The following ADK variants were observed in gnomAD, a reference collection of about 807,000 sequenced individuals.
ADK encodes the protein adenosine kinase.
Under a neutral mutation model 44.7 loss-of-function variants are expected in ADK, and 24 were observed. That is an observed-to-expected ratio of 0.54 (90% CI 0.39 to 0.76). The LOEUF (loss-of-function observed/expected upper bound fraction) is 0.76, where lower values mean the gene tolerates loss of function less well. Ranked by LOEUF, ADK falls within the 30% of genes least tolerant of loss-of-function variation. The pLI, the probability that ADK is intolerant of heterozygous loss-of-function variation, is 0.00. For missense variants in ADK, 321 were observed against 425.1 expected, an observed-to-expected ratio of 0.76 and a Z score of 2.15; for synonymous variants, 128 against 142.6, an observed-to-expected ratio of 0.90 and a Z score of 0.73.
At chr10:74,440,366 G>A (rs1460358970) in intron 6 of ADK, among the ~76,000 whole-genome samples, 2 of 152,036 alleles carry the variant, frequency 1.3e-5, no homozygotes, top group African/African-American at 4.8e-5. Context: ...GATTTGGGCT[G>A]GAACTCAGGT....
intron 1 of ADK, chr10:74,176,916 C>T (rs747897765): frequency 1.5e-5 from 24 of 1,609,118 alleles, no homozygotes; most frequent in South Asian, 9.9e-5. Flanking sequence ...CTTGACTGCT[C>T]CGAGCTGGGC....
intron 8 of ADK, among the ~76,000 whole-genome samples, chr10:74,591,854 C>G (rs1362717654): frequency 6.6e-6 from 1 of 152,078 alleles, no homozygotes; most frequent in Non-Finnish European, 1.5e-5. Flanking sequence ...TCATTTTCTC[C>G]TATAAATCCC....
chr10:74,524,590 G>A (rs1254463560), intron 6 of ADK, among the ~76,000 whole-genome samples: 1 of 152,052 alleles, frequency 6.6e-6, no homozygotes, highest in Non-Finnish European at 1.5e-5. Flanking sequence ...ACAGAGTTCC[G>A]CCATGTTGCC....
intron 1 of ADK, among the ~76,000 whole-genome samples, chr10:74,153,611 C>G (rs946218512): frequency 3.9e-5 from 6 of 152,130 alleles, no homozygotes; most frequent in Admixed American, 2.0e-4. Flanking sequence ...ACTATGTGCT[C>G]TATATATGTT....
chr10:74,279,212 G>A (rs562059276), intron 3 of ADK, among the ~76,000 whole-genome samples: 4 of 152,070 alleles, frequency 2.6e-5, no homozygotes, highest in African/African-American at 4.8e-5. Flanking sequence ...TCTGGGAGGC[G>A]GAGGTTGCAG....
chr10:74,180,999 C>T (rs2132082391), intron 1 of ADK, among the ~76,000 whole-genome samples: 1 of 152,268 alleles, frequency 6.6e-6, no homozygotes, highest in South Asian at 2.1e-4. Flanking sequence ...GCACTTTGAG[C>T]CCTCTAGAGA....
intron 3 of ADK, among the ~76,000 whole-genome samples, chr10:74,239,792 G>A (rs1263868737): frequency 1.3e-5 from 2 of 150,258 alleles, no homozygotes; most frequent in Non-Finnish European, 3.0e-5. Context: ...AAAATAGGCT[G>A]TCATGTTCTA....
chr10:74,370,230 CTTAAA>C (rs1564681077), intron 4 of ADK, among the ~76,000 whole-genome samples: 1 of 152,092 alleles, frequency 6.6e-6, no homozygotes. Flanking sequence ...AATTGTACAC[CTTAAA>C]TATGTACAGT....
At chr10:74,251,381 A>G (rs1455007410) in intron 3 of ADK, among the ~76,000 whole-genome samples, 2 of 152,220 alleles carry the variant, frequency 1.3e-5, no homozygotes, top group Non-Finnish European at 2.9e-5. Context: ...GGTAGAATCA[A>G]TAATTTTTCT....
At position 74,494,187 on chromosome 10, in the gene ADK, T is replaced by G. The variant is rs554721919; in HGVS notation, c.556-31069T>G. Among the ~76,000 whole-genome samples, 329 of 152,332 alleles carry G rather than the reference T, an allele frequency of 2.2e-3. 2 individuals carry two copies. Among genetic ancestry groups the G allele is most frequent in the African/African-American group, 7.5e-3 (312 of 41,580 alleles). On this transcript the variant is annotated intron_variant, in intron 6 of 10. Coordinates refer to ENST00000539909, the MANE Select transcript of ADK (RefSeq NM_006721.4). ...TGTGGAAAAGAGCAATACCCTGCCC[T>G]GTACTTTGACAGCCCTTTTAGCTAT...
chr10:74,618,871 G>A (rs1460121854), intron 9 of ADK, among the ~76,000 whole-genome samples: 1 of 151,986 alleles, frequency 6.6e-6, no homozygotes, highest in Non-Finnish European at 1.5e-5. Flanking sequence ...AGTGCTTCTT[G>A]AATCTGTGAT....
At chr10:74,670,046 C>G in intron 9 of ADK, 137 bp from the exon 10 acceptor site, 2 of 741,286 alleles carry the variant, frequency 2.7e-6, no homozygotes, top group South Asian at 3.1e-5. Flanking sequence ...CCCAAGTGCC[C>G]CTGTACAGAA....
chr10:74,282,444 T>C (rs1000501593), intron 3 of ADK, among the ~76,000 whole-genome samples: 2 of 152,214 alleles, frequency 1.3e-5, no homozygotes, highest in South Asian at 4.1e-4. Flanking sequence ...GAAGTACTTA[T>C]GAAAAGACAC....
chr10:74,256,821 TA>T (rs1363985922), intron 3 of ADK, among the ~76,000 whole-genome samples: 1 of 152,232 alleles, frequency 6.6e-6, no homozygotes, highest in African/African-American at 2.4e-5. Context: ...AACGTGTTTT[TA>T]TTGATGCAAC....
At chr10:74,643,589 T>C (rs1452206165) in intron 9 of ADK, among the ~76,000 whole-genome samples, 4 of 152,244 alleles carry the variant, frequency 2.6e-5, no homozygotes, top group African/African-American at 9.6e-5. Context: ...TTTGTTAAGT[T>C]CAATATCTGG....
chr10:74,533,005 G>C (rs371781982), intron 7 of ADK, among the ~76,000 whole-genome samples: 2 of 146,006 alleles, frequency 1.4e-5, no homozygotes, highest in Admixed American at 1.4e-4. Context: ...AATCTCAAAT[G>C]TATTTTTCTA....
intron 4 of ADK, among the ~76,000 whole-genome samples, chr10:74,320,675 A>G (rs1337309539): frequency 6.6e-6 from 1 of 152,170 alleles, no homozygotes; most frequent in African/African-American, 2.4e-5. Flanking sequence ...AGAAAAAAAC[A>G]CCATGGTGAG....
chr10:74,270,890 T>C (rs1433986436), intron 3 of ADK, among the ~76,000 whole-genome samples: 3 of 152,212 alleles, frequency 2.0e-5, no homozygotes, highest in Non-Finnish European at 2.9e-5. Context: ...AGGCAGCAAT[T>C]TGGATTCCAT....
At chr10:74,669,364 T>C (rs913239168) in intron 9 of ADK, among the ~76,000 whole-genome samples, 4 of 152,222 alleles carry the variant, frequency 2.6e-5, no homozygotes, top group African/African-American at 9.6e-5. Context: ...TAAGAAGCAC[T>C]GTCCAATCGT....
Sources: gnomAD v4.1 joint callset for allele counts (sites outside exome capture counted in the v4.1 genomes callset) on GRCh38, gnomAD v4.1.1 for gene constraint, MANE v1.5 for transcripts, NCBI Gene and HGNC (gene_info 2026-07-23, HGNC 2026-07-21) for gene names.